MTHFD2L: variants seen among roughly 807,000 people sequenced by gnomAD.
MTHFD2L encodes methylenetetrahydrofolate dehydrogenase (NADP+ dependent) 2 like.
MTHFD2L carries 29 observed loss-of-function variants against 34.9 expected under a neutral mutation model. The ratio of observed to expected loss-of-function variants is 0.83; its 90% CI spans 0.62 to 1.13. The LOEUF is 1.13. Among genes scored for constraint, MTHFD2L ranks in the 50% most tolerant of loss-of-function variants. The probability of loss-of-function intolerance (pLI) is 0.00; values close to 1 mark genes in which losing one functional copy is unlikely to be tolerated. For synonymous variants in MTHFD2L, 167 were observed against 155.7 expected, an observed-to-expected ratio of 1.07 and a Z score of -0.54; for missense variants, 481 against 446.5, an observed-to-expected ratio of 1.08 and a Z score of -0.70.
chr4:74,174,565 A>G lies in MTHFD2L; in HGVS notation c.203A>G (p.Gln68Arg). Residue 68 changes from glutamine (Q) to arginine (R), a missense_variant, in exon 2 of 8, where the codon CAG (glutamine) becomes CGG (arginine). Gln to Arg is a conservative substitution (Grantham distance 43). Transcript: ENST00000325278. ...GCCAAGCATATCCAGAAAGAAATAC[A>G]GCGAGGTGTGGAATCATGGGTTTCC... Reference protein sequence around the residue: ...EMAKHIQKEIQRGVESWVSLG... With the variant: ...EMAKHIQKEIRRGVESWVSLG... The G allele has an allele frequency of 1.9e-6, 3 of 1,606,172 alleles. No individual in the cohort carries two copies. The highest frequency in any genetic ancestry group is 1.1e-5 in the South Asian group (1 of 89,616).
At chr4:74,218,637 A>T (rs993426085) in intron 5 of MTHFD2L, among the ~76,000 whole-genome samples, 10 of 148,202 alleles carry the variant, frequency 6.7e-5, no homozygotes, top group Non-Finnish European at 1.5e-4. Context: ...CACCAAAAAA[A>T]TGATACTAAC....
upstream of MTHFD2L, among the ~76,000 whole-genome samples, chr4:74,122,251 C>T (rs544974522): frequency 6.6e-6 from 1 of 152,272 alleles, no homozygotes; most frequent in African/African-American, 2.4e-5. Context: ...TTAATTGACT[C>T]ACAATTCTGC....
intron 6 of MTHFD2L, chr4:74,267,337 T>A: frequency 1.6e-6 from 1 of 629,156 alleles, no homozygotes; most frequent in Non-Finnish European, 2.0e-6. Flanking sequence ...CTTTCTTTCT[T>A]CCTTTCTTTC....
chr4:74,218,459 G>C (rs1013026797), intron 5 of MTHFD2L, among the ~76,000 whole-genome samples: 1 of 152,088 alleles, frequency 6.6e-6, no homozygotes, highest in African/African-American at 2.4e-5. Flanking sequence ...CACTGAAAAA[G>C]TATATGCAAG....
chr4:74,285,588 T>G (rs1401281076), intron 7 of MTHFD2L, among the ~76,000 whole-genome samples: 3 of 152,168 alleles, frequency 2.0e-5, no homozygotes, highest in Non-Finnish European at 4.4e-5. Flanking sequence ...TTTACTATTA[T>G]CAGTAATATT....
Position 74,196,028 on chromosome 4 carries a change from T to C in MTHFD2L, c.452-3766T>C, listed in dbSNP as rs1302686893. Reference sequence around the variant, plus strand: ...TAGTGATTTTGGGGGCCCAAGATTTTTTTTTTCACACCATCAACTGAGATG... The same window carrying C: ...TAGTGATTTTGGGGGCCCAAGATTTCTTTTTTCACACCATCAACTGAGATG... On this transcript the variant is annotated intron_variant, in intron 3 of 7. Coordinates refer to ENST00000325278, the MANE Select transcript of MTHFD2L (RefSeq NM_001144978.3). Among the ~76,000 whole-genome samples the C allele has an allele frequency of 3.3e-5, 5 of 152,136 alleles. 1 individual carries two copies.
At chr4:74,218,178 A>G (rs1318773597) in intron 5 of MTHFD2L, among the ~76,000 whole-genome samples, 1 of 152,076 alleles carries the variant, frequency 6.6e-6, no homozygotes. Context: ...ATTCTTCAAT[A>G]AAATGAATTA....
At position 74,269,816 on chromosome 4, in the gene MTHFD2L, A is replaced by AT. The variant is rs1222164497; in HGVS notation, c.806-11608dup. Among the ~76,000 whole-genome samples, 6 of 152,136 alleles carry AT rather than the reference A, an allele frequency of 3.9e-5. No individual in the cohort carries two copies. In the East Asian group the frequency reaches 1.2e-3, roughly 29 times the overall value. ...AGGCGGAAGACTTGTCAAAAGTGTG[A>AT]TAGTGCCTTAGTAAACTCTAAGGCA... On this transcript the variant is annotated intron_variant, in intron 6 of 7. Coordinates refer to ENST00000325278, the MANE Select transcript of MTHFD2L (RefSeq NM_001144978.3).
At chr4:74,167,614 G>A (rs1225753773) in intron 1 of MTHFD2L, among the ~76,000 whole-genome samples, 1 of 152,220 alleles carries the variant, frequency 6.6e-6, no homozygotes, top group Admixed American at 6.5e-5. Flanking sequence ...GCTGAGACTT[G>A]AGCAATGTGT....
rs1740396066 is a variant in MTHFD2L, at chr4:74,233,508, C to T, written c.805+8114C>T. On this transcript the variant is annotated intron_variant, in intron 6 of 7. Transcript: ENST00000325278. ...ATGGCTACTAAGTGAAGGTAGTTTCCCTTCCCTTCATTCTCCTATTGTGTG... is the reference window on the plus strand; with the variant it reads ...ATGGCTACTAAGTGAAGGTAGTTTCTCTTCCCTTCATTCTCCTATTGTGTG... 2.0e-5 allele frequency among the ~76,000 whole-genome samples: 3 copies of T among 151,556 alleles called. No homozygotes were observed. In the South Asian group the frequency reaches 6.3e-4, roughly 32 times the overall value.
At chr4:74,274,127 C>G (rs1746329203) in intron 6 of MTHFD2L, among the ~76,000 whole-genome samples, 1 of 152,056 alleles carries the variant, frequency 6.6e-6, no homozygotes, top group Non-Finnish European at 1.5e-5. Flanking sequence ...GCTGGGATTA[C>G]AGGCATAAGC....
At chr4:74,256,247 C>A (rs918542782) in intron 6 of MTHFD2L, among the ~76,000 whole-genome samples, 2 of 152,054 alleles carry the variant, frequency 1.3e-5, no homozygotes, top group Non-Finnish European at 2.9e-5. Flanking sequence ...GTAGCTGGGA[C>A]TACAGGCGCA....
intron 3 of MTHFD2L, among the ~76,000 whole-genome samples, chr4:74,186,457 A>AAC (rs1465762950): frequency 6.6e-6 from 1 of 151,016 alleles, no homozygotes; most frequent in Non-Finnish European, 1.5e-5. Flanking sequence ...AAAAAAAAAA[A>AAC]AACAGCTACT....
chr4:74,172,263 A>G (rs890511796), intron 1 of MTHFD2L, among the ~76,000 whole-genome samples: 6 of 152,174 alleles, frequency 3.9e-5, no homozygotes, highest in Non-Finnish European at 5.9e-5. Flanking sequence ...TTTCTTGACT[A>G]TAGTGATGGT....
At position 74,272,995 on chromosome 4, in the gene MTHFD2L, C is replaced by A. The variant is rs141435317; in HGVS notation, c.806-8430C>A. ...AAAGACATTCAAAATCTACAGCTTG[C>A]AAAATCCCTCTGATTTCTTATGCAA... is the stretch of plus-strand genomic sequence containing the variant. On this transcript the variant is annotated intron_variant, in intron 6 of 7. Coordinates refer to ENST00000325278, the MANE Select transcript of MTHFD2L (RefSeq NM_001144978.3). 1.5e-4 allele frequency among the ~76,000 whole-genome samples: 23 copies of A among 152,276 alleles called. No homozygotes were observed. The East Asian group carries it at 4.3e-3, about 28-fold the overall frequency.
intron 5 of MTHFD2L, among the ~76,000 whole-genome samples, chr4:74,204,930 A>G (rs927603210): frequency 1.3e-5 from 2 of 152,194 alleles, no homozygotes; most frequent in Non-Finnish European, 2.9e-5. Flanking sequence ...ATATACTTTA[A>G]AAAGTATACT....
At position 74,199,952 on chromosome 4, in the gene MTHFD2L, T is replaced by C. The variant is rs1325408134; in HGVS notation, c.604+6T>C. 1.2e-6 allele frequency: 2 copies of C among 1,613,800 alleles called. No individual in the cohort carries two copies. The highest frequency in any genetic ancestry group is 4.5e-5 in the East Asian group (2 of 44,820). On this transcript the variant is annotated splice_donor_region_variant and intron_variant, in intron 4 of 7. Coordinates refer to ENST00000325278, the MANE Select transcript of MTHFD2L (RefSeq NM_001144978.3). ...GGAAATAATAAAAAGAACAGGTTGG[T>C]AATTTGTGGTCTGCAGGACATGGAT... is the stretch of plus-strand genomic sequence containing the variant.
chr4:74,267,371 T>TTTTC (rs200111752), intron 6 of MTHFD2L: 4,896 of 451,718 alleles, frequency 0.011, 246 homozygotes, highest in African/African-American at 0.097. Flanking sequence ...CCTTTCTCTT[T>TTTTC]TTTCTTTCTT....
intron 1 of MTHFD2L, among the ~76,000 whole-genome samples, chr4:74,139,628 G>T (rs966405174): frequency 1.3e-5 from 2 of 152,140 alleles, no homozygotes; most frequent in African/African-American, 4.8e-5. Flanking sequence ...CTTGGAAATG[G>T]AAACTTGAGT....
Sources: allele counts gnomAD v4.1 joint callset (sites outside exome capture counted in the v4.1 genomes callset), GRCh38; gene constraint gnomAD v4.1.1; transcripts MANE v1.5; gene names NCBI Gene and HGNC (gene_info 2026-07-23, HGNC 2026-07-21).